NDUFAF6: variants seen among roughly 807,000 people sequenced by gnomAD.
NDUFAF6 encodes NADH dehydrogenase (ubiquinone) complex I, assembly factor 6.
A neutral mutation model predicts 40.8 loss-of-function variants in NDUFAF6; 45 were observed. The observed-to-expected ratio is 1.10, with a 90% confidence interval of 0.87 to 1.42. The LOEUF is 1.42. Ranked by LOEUF, NDUFAF6 falls within the 40% of genes most tolerant of loss-of-function variation. The pLI is 0.00. For synonymous variants in NDUFAF6, 185 were observed against 155.9 expected, an observed-to-expected ratio of 1.19 and a Z score of -1.39; for missense variants, 435 against 418.5, an observed-to-expected ratio of 1.04 and a Z score of -0.34.
rs538963 is a variant in NDUFAF6 at position 94,997,966 on chromosome 8, A to G, written c.-84+16993A>G. Among the ~76,000 whole-genome samples the G allele has an allele frequency of 5.6e-3, 846 of 152,304 alleles. 8 individuals carry two copies. Among genetic ancestry groups the G allele is most frequent in the African/African-American group, 0.019 (784 of 41,572 alleles). ...AAAGATTGAGGTTTTCTTATTTCTT[A>G]GAAAATGAAATGCTGTCCAATCCCA... On this transcript the variant is annotated intron_variant, in intron 2 of 9. Coordinates refer to the NDUFAF6 transcript ENST00000396111.
intron 2 of NDUFAF6, among the ~76,000 whole-genome samples, chr8:95,017,060 G>A (rs973961679): frequency 3.3e-5 from 5 of 149,662 alleles, no homozygotes; most frequent in African/African-American, 9.9e-5. Context: ...AGCCTCCCGA[G>A]TAGGTAGGAC....
chr8:94,940,088 GA>G, intron 1 of NDUFAF6: 1 of 1,614,200 alleles, frequency 6.2e-7, no homozygotes, highest in Non-Finnish European at 8.5e-7. Context: ...GAGAAAGCAG[GA>G]ATCACTTGTA....
At chr8:95,064,463 T>C (rs1270510597) in intron 9 of NDUFAF6, among the ~76,000 whole-genome samples, 1 of 151,934 alleles carries the variant, frequency 6.6e-6, no homozygotes, top group East Asian at 1.9e-4. Context: ...AACACAAAAG[T>C]GTAAAGGGAA....
At chr8:94,967,966 G>C (rs904566709) in intron 1 of NDUFAF6, among the ~76,000 whole-genome samples, 1 of 151,738 alleles carries the variant, frequency 6.6e-6, no homozygotes, top group Non-Finnish European at 1.5e-5. Context: ...AAGTCAGCTG[G>C]GGCTACAGTC....
chr8:94,904,860 C>T (rs4570121), intron 1 of NDUFAF6, among the ~76,000 whole-genome samples: 94,444 of 151,870 alleles, frequency 0.62, 30,077 homozygotes, highest in East Asian at 0.79. Context: ...CTGTCATTGC[C>T]TTATTACATT....
chr8:95,090,567 C>T (rs956282713), intron 2 of NDUFAF6, among the ~76,000 whole-genome samples: 2 of 152,076 alleles, frequency 1.3e-5, no homozygotes, highest in Non-Finnish European at 2.9e-5. Flanking sequence ...CATGGTTCGC[C>T]CATTTCCTGT....
upstream of NDUFAF6, among the ~76,000 whole-genome samples, chr8:94,956,212 A>G (rs1823058947): frequency 6.6e-6 from 1 of 152,218 alleles, no homozygotes; most frequent in African/African-American, 2.4e-5. Context: ...GCTTGGCACT[A>G]TAGTAAGAGC....
intron 2 of NDUFAF6, among the ~76,000 whole-genome samples, chr8:94,998,637 C>T (rs1826572269): frequency 6.6e-6 from 1 of 152,132 alleles, no homozygotes; most frequent in Non-Finnish European, 1.5e-5. Flanking sequence ...TCTCAGAAGC[C>T]CACATGAGTA....
chr8:95,000,404 C>T (rs1185419617), intron 2 of NDUFAF6, among the ~76,000 whole-genome samples: 2 of 152,078 alleles, frequency 1.3e-5, no homozygotes. Flanking sequence ...ATTTCTTAGA[C>T]ACTATGATAC....
chr8:95,005,331 T>G (rs111693753), intron 2 of NDUFAF6, among the ~76,000 whole-genome samples: 9 of 152,022 alleles, frequency 5.9e-5, no homozygotes, highest in African/African-American at 1.7e-4. Context: ...GTACATTTCT[T>G]GTTACCAGGA....
chr8:94,897,089 T>C (rs1367925610), intron 1 of NDUFAF6, among the ~76,000 whole-genome samples: 1 of 151,956 alleles, frequency 6.6e-6, no homozygotes, highest in Non-Finnish European at 1.5e-5. Context: ...GGGTCAGGGG[T>C]CTCCCAACAA....
At chr8:94,995,633 T>C (rs1826393269) in intron 2 of NDUFAF6, among the ~76,000 whole-genome samples, 1 of 151,836 alleles carries the variant, frequency 6.6e-6, no homozygotes, top group South Asian at 2.1e-4. Context: ...CTAAAAGCAC[T>C]GAGAAATCGC....
At chr8:95,071,403 GAAAAAAA>G (rs10583999) in intron 9 of NDUFAF6, among the ~76,000 whole-genome samples, 1 of 105,490 alleles carries the variant, frequency 9.5e-6, no homozygotes, top group Non-Finnish European at 1.8e-5. Context: ...GTCTCCAAAA[GAAAAAAA>G]AAAAAAAAAA....
chr8:94,932,751 C>T (rs1453022412), intron 1 of NDUFAF6, among the ~76,000 whole-genome samples: 2 of 152,010 alleles, frequency 1.3e-5, no homozygotes, highest in Non-Finnish European at 2.9e-5. Context: ...TGCAGTGAGC[C>T]GAGATAGCGC....
rs1039696308 is a variant in NDUFAF6, at chr8:95,047,056, A to T, written c.643A>T (p.Thr215Ser). ...SHIGKAQGIV[T>S]CLRATPYHGS... Reference sequence around the variant, plus strand: ...TATTGGAAAAGCACAAGGCATTGTCACTTGCTTGAGAGCAACACCATATCA... The same window carrying T: ...TATTGGAAAAGCACAAGGCATTGTCTCTTGCTTGAGAGCAACACCATATCA... Residue 215 changes from threonine to serine, a missense_variant, in exon 6 of 9, where the codon ACT becomes TCT. Transcript: ENST00000396124. 6.2e-7 allele frequency: 1 copy of T among 1,614,078 alleles called. No individual in the cohort carries two copies. The highest frequency in any genetic ancestry group is 8.5e-7 in the Non-Finnish European group (1 of 1,180,024).
chr8:94,999,421 C>G (rs562133365), intron 2 of NDUFAF6, among the ~76,000 whole-genome samples: 1 of 151,740 alleles, frequency 6.6e-6, no homozygotes, highest in African/African-American at 2.4e-5. Flanking sequence ...CACACCCAGC[C>G]TCTTTTTTTC....
downstream of NDUFAF6, among the ~76,000 whole-genome samples, chr8:95,059,573 G>A (rs892908839): frequency 6.6e-6 from 1 of 152,146 alleles, no homozygotes; most frequent in Non-Finnish European, 1.5e-5. Flanking sequence ...ATGGGGCCGG[G>A]CGTGGTGGCT....
downstream of NDUFAF6, among the ~76,000 whole-genome samples, chr8:95,060,601 A>G (rs1832548836): frequency 6.6e-6 from 1 of 152,208 alleles, no homozygotes; most frequent in African/African-American, 2.4e-5. Flanking sequence ...TAACTCTCAT[A>G]GTGAAGTAGG....
At chr8:95,086,087 T>A (rs1809034136) in intron 2 of NDUFAF6, among the ~76,000 whole-genome samples, 1 of 152,102 alleles carries the variant, frequency 6.6e-6, no homozygotes, top group African/African-American at 2.4e-5. Flanking sequence ...TATGTTCTCA[T>A]AACTGCCTCT....
Sources: allele counts gnomAD v4.1 joint callset (sites outside exome capture counted in the v4.1 genomes callset), GRCh38; gene constraint gnomAD v4.1.1; transcripts MANE v1.5; gene names NCBI Gene and HGNC (gene_info 2026-07-23, HGNC 2026-07-21).